RASAL2: variants seen among roughly 807,000 people sequenced by gnomAD.
RASAL2 encodes the protein ras GTPase-activating protein nGAP.
In RASAL2, 58 loss-of-function variants were observed where a neutral mutation model predicts 128.9. The ratio of observed to expected loss-of-function variants is 0.45; its 90% CI spans 0.36 to 0.56. The LOEUF (loss-of-function observed/expected upper bound fraction) is 0.56, where lower values mean the gene tolerates loss of function less well. Among genes scored for constraint, RASAL2 ranks in the 20% least tolerant of loss-of-function variants. The probability of loss-of-function intolerance (pLI) is 0.00; values close to 1 mark genes in which losing one functional copy is unlikely to be tolerated. For synonymous variants in RASAL2, 561 were observed against 580.8 expected (o/e 0.97, Z 0.49); for missense variants, 1,360 against 1,601.6 (o/e 0.85, Z 2.57).
intron 4 of RASAL2, among the ~76,000 whole-genome samples, chr1:178,417,479 A>G (rs1674835613): frequency 6.6e-6 from 1 of 152,122 alleles, no homozygotes; most frequent in Non-Finnish European, 1.5e-5. Flanking sequence ...ATGTGCCACA[A>G]GGCTGGACGC....
chr1:178,319,997 A>T (rs1035765041), intron 3 of RASAL2, among the ~76,000 whole-genome samples: 11 of 151,382 alleles, frequency 7.3e-5, no homozygotes, highest in African/African-American at 2.4e-4. Context: ...TCTGTTTGTT[A>T]GTTTTCCTTC....
At chr1:178,206,263 A>G (rs955887099) in intron 1 of RASAL2, among the ~76,000 whole-genome samples, 1 of 152,166 alleles carries the variant, frequency 6.6e-6, no homozygotes, top group Non-Finnish European at 1.5e-5. Context: ...TGAGAGACCA[A>G]ATGGCTAAAG....
At chr1:178,397,366 G>A (rs1044592079) in intron 4 of RASAL2, among the ~76,000 whole-genome samples, 2 of 152,122 alleles carry the variant, frequency 1.3e-5, no homozygotes, top group Admixed American at 1.3e-4. Flanking sequence ...AGTGAAAGAA[G>A]CCGTACCAAA....
chr1:178,464,788 A>C (rs908974440), intron 15 of RASAL2, among the ~76,000 whole-genome samples: 3 of 123,138 alleles, frequency 2.4e-5, no homozygotes, highest in African/African-American at 1.0e-4. Flanking sequence ...CTAGGGCAAG[A>C]CTTTTTGTTT....
intron 3 of RASAL2, among the ~76,000 whole-genome samples, chr1:178,328,570 TAAAG>T (rs1410136477): frequency 6.6e-6 from 1 of 152,164 alleles, no homozygotes; most frequent in East Asian, 1.9e-4. Flanking sequence ...AGAATAAAAA[TAAAG>T]AATAGTTATA....
intron 1 of RASAL2, among the ~76,000 whole-genome samples, chr1:178,231,980 T>C (rs1233158918): frequency 1.3e-5 from 2 of 152,202 alleles, no homozygotes; most frequent in South Asian, 4.1e-4. Context: ...TTTAAAGGAA[T>C]AGGTATGTTG....
intron 2 of RASAL2, among the ~76,000 whole-genome samples, chr1:178,283,916 A>G (rs1666904057): frequency 6.6e-6 from 1 of 152,160 alleles, no homozygotes; most frequent in Non-Finnish European, 1.5e-5. Context: ...AATGGAAGAG[A>G]TACTGAGTTA....
chr1:178,210,412 G>A (rs1483637713), intron 1 of RASAL2, among the ~76,000 whole-genome samples: 1 of 151,916 alleles, frequency 6.6e-6, no homozygotes. Context: ...TTTGTCCTTG[G>A]GGACTTCCTT....
At chr1:178,345,239 G>A (rs1670089890) in intron 3 of RASAL2, among the ~76,000 whole-genome samples, 1 of 152,174 alleles carries the variant, frequency 6.6e-6, no homozygotes, top group Non-Finnish European at 1.5e-5. Flanking sequence ...TAAATGAGTT[G>A]CTGAAAAACA....
At chr1:178,445,117 A>G (rs1443000138) in intron 8 of RASAL2, among the ~76,000 whole-genome samples, 1 of 151,238 alleles carries the variant, frequency 6.6e-6, no homozygotes. Context: ...GGGTGGGAGC[A>G]GAGCAGAACT....
chr1:178,344,200 A>G (rs1307980213), intron 3 of RASAL2, among the ~76,000 whole-genome samples: 2 of 152,174 alleles, frequency 1.3e-5, no homozygotes, highest in Non-Finnish European at 2.9e-5. Context: ...GAAGGTAAAG[A>G]GCTCTGCTAT....
intron 1 of RASAL2, among the ~76,000 whole-genome samples, chr1:178,258,552 T>C (rs548494299): frequency 3.3e-5 from 5 of 152,144 alleles, no homozygotes; most frequent in African/African-American, 4.8e-5. Context: ...TACAAATCAA[T>C]ACAACAGTGA....
At chr1:178,383,957 G>C (rs1185755800) in intron 3 of RASAL2, among the ~76,000 whole-genome samples, 3 of 152,132 alleles carry the variant, frequency 2.0e-5, no homozygotes, top group Non-Finnish European at 4.4e-5. Context: ...AGTTTGGTTT[G>C]TATTCAATGT....
intron 2 of RASAL2, among the ~76,000 whole-genome samples, chr1:178,285,093 T>A: frequency 6.7e-6 from 1 of 149,498 alleles, no homozygotes; most frequent in East Asian, 1.9e-4. Flanking sequence ...TTAATAGGCA[T>A]TGCTACTTTC....
chr1:178,370,476 A>G (rs928238588), intron 3 of RASAL2, among the ~76,000 whole-genome samples: 2 of 152,172 alleles, frequency 1.3e-5, no homozygotes, highest in Non-Finnish European at 2.9e-5. Context: ...CTACTTCTCA[A>G]TTTTTTGTAG....
intron 3 of RASAL2, among the ~76,000 whole-genome samples, chr1:178,332,337 A>G (rs1669362132): frequency 6.6e-6 from 1 of 151,888 alleles, no homozygotes; most frequent in Non-Finnish European, 1.5e-5. Context: ...CCTCGTCTCT[A>G]CTAAAATCAC....
At chr1:178,425,490 GAAATTCTA>G (rs1402972447) in intron 5 of RASAL2, among the ~76,000 whole-genome samples, 2 of 151,992 alleles carry the variant, frequency 1.3e-5, no homozygotes, top group Non-Finnish European at 2.9e-5. Flanking sequence ...CCTACAAAAG[GAAATTCTA>G]AAAAGAAGTC....
At chr1:178,210,623 C>G (rs1461116279) in intron 1 of RASAL2, among the ~76,000 whole-genome samples, 1 of 152,116 alleles carries the variant, frequency 6.6e-6, no homozygotes, top group East Asian at 1.9e-4. Context: ...ATAACAGGTG[C>G]CGCCAAACAT....
intron 3 of RASAL2, among the ~76,000 whole-genome samples, chr1:178,306,920 T>TA (rs1296051541): frequency 6.7e-6 from 1 of 149,924 alleles, no homozygotes; most frequent in African/African-American, 2.4e-5. Context: ...TGCTAGATGA[T>TA]AAGTTAGTGG....
Sources: gnomAD v4.1 joint callset for allele counts (sites outside exome capture counted in the v4.1 genomes callset) on GRCh38, gnomAD v4.1.1 for gene constraint, MANE v1.5 for transcripts, NCBI Gene and HGNC (gene_info 2026-07-23, HGNC 2026-07-21) for gene names.